The following KAZN variants were observed in gnomAD, a reference collection of about 807,000 sequenced individuals.
The protein encoded by KAZN is kazrin, periplakin interacting protein.
In KAZN, 40 loss-of-function variants were observed where a neutral mutation model predicts 87.4. The ratio of observed to expected loss-of-function variants is 0.46; its 90% CI spans 0.36 to 0.60. The LOEUF is 0.60. Among genes scored for constraint, KAZN ranks in the 20% least tolerant of loss-of-function variants. The pLI is 0.00. For synonymous variants in KAZN, 466 were observed against 458.3 expected (o/e 1.02, Z -0.22); for missense variants, 898 against 1,073.9 (o/e 0.84, Z 2.29).
intron 2 of KAZN, among the ~76,000 whole-genome samples, chr1:14,475,801 G>A (rs1668689757): frequency 6.6e-6 from 1 of 152,096 alleles, no homozygotes; most frequent in South Asian, 2.1e-4. Context: ...GCAAAGGAAA[G>A]CCCAATGGGC....
chr1:14,367,765 T>C (rs537379223), intron 2 of KAZN, among the ~76,000 whole-genome samples: 8 of 152,256 alleles, frequency 5.3e-5, no homozygotes, highest in South Asian at 4.1e-4. Flanking sequence ...CGTGATTTGA[T>C]GGCAGGAGGC....
chr1:14,139,484 T>C (rs1324506463), intron 1 of KAZN, among the ~76,000 whole-genome samples: 1 of 152,276 alleles, frequency 6.6e-6, no homozygotes, highest in African/African-American at 2.4e-5. Flanking sequence ...CTGAACACTT[T>C]GCTGGTTGCA....
In KAZN at chr1:14,110,838, A is replaced by G. The variant is rs1378795590; in HGVS notation, c.92-69597A>G. Among the ~76,000 whole-genome samples the G allele has an allele frequency of 1.5e-5, 2 of 135,384 alleles. 1 individual carries two copies. The highest frequency in any genetic ancestry group is 3.2e-5 in the Non-Finnish European group (2 of 63,116). The allele number at this position is 135,384 out of a possible 152,430, so 88.8% of individuals were successfully genotyped here. A position where few individuals can be genotyped will look rare whatever the true frequency, so the allele number is the denominator to read the frequency against. Reference sequence around the variant, plus strand: ...ATCTTTTTATATTGACTACATGTTAAGATGACAATGACGATGTTTTGGCTG... The same window carrying G: ...ATCTTTTTATATTGACTACATGTTAGGATGACAATGACGATGTTTTGGCTG... On this transcript the variant is annotated intron_variant, in intron 1 of 16. Transcript: ENST00000636203.
At chr1:14,297,936 G>A (rs908083387) in intron 2 of KAZN, among the ~76,000 whole-genome samples, 2 of 152,136 alleles carry the variant, frequency 1.3e-5, no homozygotes, top group Non-Finnish European at 2.9e-5. Context: ...TAGAAAATTG[G>A]TTAAATTGAA....
chr1:14,530,841 T>A (rs941232763), intron 2 of KAZN, among the ~76,000 whole-genome samples: 2 of 152,110 alleles, frequency 1.3e-5, no homozygotes, highest in African/African-American at 4.8e-5. Flanking sequence ...TCCCAGCACG[T>A]TGGGAGGCTG....
At chr1:14,868,418 C>A (rs1353471379) in intron 1 of KAZN, among the ~76,000 whole-genome samples, 1 of 152,184 alleles carries the variant, frequency 6.6e-6, no homozygotes, top group Admixed American at 6.5e-5. Flanking sequence ...GATGGGGAAA[C>A]TGAGGCTCAG....
At chr1:14,128,508 C>T (rs140451208) in intron 1 of KAZN, among the ~76,000 whole-genome samples, 339 of 152,258 alleles carry the variant, frequency 2.2e-3, no homozygotes, top group African/African-American at 7.1e-3. Flanking sequence ...TTGCAGACAG[C>T]GGCCTTCTTG....
chr1:14,934,801 C>G (rs886456603), intron 1 of KAZN, among the ~76,000 whole-genome samples: 3 of 152,218 alleles, frequency 2.0e-5, no homozygotes, highest in African/African-American at 7.2e-5. Flanking sequence ...CCATCCTGGC[C>G]TCCAGTCGCC....
intron 1 of KAZN, among the ~76,000 whole-genome samples, chr1:14,116,729 G>A (rs192239232): frequency 4.2e-3 from 642 of 152,282 alleles, no homozygotes; most frequent in Non-Finnish European, 6.2e-3. Flanking sequence ...AGCTCCCACC[G>A]TGTGCCTGGA....
intron 1 of KAZN, among the ~76,000 whole-genome samples, chr1:14,840,286 G>A (rs1647807797): frequency 6.6e-6 from 1 of 152,078 alleles, no homozygotes; most frequent in African/African-American, 2.4e-5. Flanking sequence ...TGGGGTGGGG[G>A]ATCTAATCAC....
chr1:14,522,527 T>A (rs1466459089), intron 2 of KAZN, among the ~76,000 whole-genome samples: 1 of 152,170 alleles, frequency 6.6e-6, no homozygotes, highest in African/African-American at 2.4e-5. Flanking sequence ...ATGTGTACAA[T>A]TTGGTCTCTT....
At chr1:14,883,310 A>G (rs71510964) in intron 1 of KAZN, among the ~76,000 whole-genome samples, 8,651 of 47,246 alleles carry the variant, frequency 0.18, 1,280 homozygotes, top group East Asian at 0.38. Flanking sequence ...GAAAGAAAGA[A>G]AGAAAGAAAG....
chr1:15,006,557 C>G (rs4633284), intron 2 of KAZN, among the ~76,000 whole-genome samples: 42,101 of 152,180 alleles, frequency 0.28, 6,731 homozygotes, highest in African/African-American at 0.44. Flanking sequence ...GGTGATCAAT[C>G]ACTCATTCAT....
At chr1:14,309,180 G>T (rs1312771405) in intron 2 of KAZN, among the ~76,000 whole-genome samples, 1 of 151,956 alleles carries the variant, frequency 6.6e-6, no homozygotes, top group African/African-American at 2.4e-5. Flanking sequence ...AGAAGAAATG[G>T]GATATCCCAA....
intron 1 of KAZN, among the ~76,000 whole-genome samples, chr1:13,961,759 A>T (rs954082756): frequency 2.6e-5 from 4 of 152,170 alleles, no homozygotes; most frequent in African/African-American, 9.7e-5. Context: ...GGATGGACTG[A>T]AAGTTGGGAG....
At chr1:15,023,401 G>A (rs2102175830) in intron 2 of KAZN, among the ~76,000 whole-genome samples, 1 of 152,296 alleles carries the variant, frequency 6.6e-6, no homozygotes, top group East Asian at 1.9e-4. Context: ...GAGGAGATGG[G>A]AGGAAGTGAG....
chr1:14,886,529 C>T (rs955554993), intron 1 of KAZN, among the ~76,000 whole-genome samples: 6 of 151,230 alleles, frequency 4.0e-5, no homozygotes, highest in African/African-American at 1.2e-4. Context: ...TGGTGGCTCA[C>T]GCCTGTAATC....
chr1:14,075,136 T>C (rs1445104609), intron 1 of KAZN, among the ~76,000 whole-genome samples: 2 of 152,186 alleles, frequency 1.3e-5, no homozygotes, highest in Non-Finnish European at 2.9e-5. Context: ...TATTAAGTGG[T>C]TGTATAATGG....
chr1:14,182,133 C>T (rs970525765), intron 2 of KAZN, among the ~76,000 whole-genome samples: 8 of 152,092 alleles, frequency 5.3e-5, no homozygotes, highest in Non-Finnish European at 1.2e-4. Flanking sequence ...TATCCCCTAT[C>T]GTGTAGTCAT....
Sources: gnomAD v4.1 joint callset for allele counts (sites outside exome capture counted in the v4.1 genomes callset) on GRCh38, gnomAD v4.1.1 for gene constraint, MANE v1.5 for transcripts, NCBI Gene and HGNC (gene_info 2026-07-23, HGNC 2026-07-21) for gene names.